The following DNAI4 variants were observed in gnomAD, a reference collection of about 807,000 sequenced individuals.
The protein encoded by DNAI4 is dynein axonemal intermediate chain 4.
DNAI4 carries 85 observed loss-of-function variants against 105.8 expected under a neutral mutation model. That is an observed-to-expected ratio of 0.80 (90% confidence interval 0.67 to 0.96). The LOEUF is 0.96. Among genes scored for constraint, DNAI4 ranks in the 40% least tolerant of loss-of-function variants. DNAI4 has a pLI of 0.00. For synonymous variants in DNAI4, 352 were observed against 331.5 expected, an observed-to-expected ratio of 1.06 and a Z score of -0.67; for missense variants, 1,014 against 1,005.6, an observed-to-expected ratio of 1.01 and a Z score of -0.11.
chr1:66,841,786 C>T (rs1452986939), intron 8 of DNAI4, among the ~76,000 whole-genome samples: 1 of 152,160 alleles, frequency 6.6e-6, no homozygotes, highest in Non-Finnish European at 1.5e-5. Context: ...TCTGAAGTCC[C>T]TCCAAGAATG....
At chr1:66,877,583 G>A (rs138622672) in intron 4 of DNAI4, among the ~76,000 whole-genome samples, 14 of 151,886 alleles carry the variant, frequency 9.2e-5, no homozygotes, top group African/African-American at 3.4e-4. Context: ...TATTACTTTG[G>A]TACATTTAGT....
chr1:66,847,464 T>C lies in DNAI4; in HGVS notation c.1291+20A>G. On this transcript the variant is annotated intron_variant, in intron 8 of 16. Transcript: ENST00000371026. ...TAAGCAACTGCACCCAGCCTAAACA[T>C]GTTTATTTTTTTTAAATACCTTTTA... The C allele has an allele frequency of 6.2e-7, 1 of 1,606,568 alleles. No individual in the cohort carries two copies. The highest frequency in any genetic ancestry group is 8.5e-7 in the Non-Finnish European group (1 of 1,176,778).
At chr1:66,848,335 A>C (rs1275955611) in intron 7 of DNAI4, 2 of 450,188 alleles carry the variant, frequency 4.4e-6, no homozygotes, top group Non-Finnish European at 8.9e-6. Context: ...TTTACTTTTT[A>C]GTACCCCATG....
At chr1:66,917,394 T>G (rs769123879) in intron 1 of DNAI4, among the ~76,000 whole-genome samples, 1 of 152,220 alleles carries the variant, frequency 6.6e-6, no homozygotes, top group Non-Finnish European at 1.5e-5. Context: ...TAATCAACTA[T>G]GGAACTCAAA....
intron 1 of DNAI4, among the ~76,000 whole-genome samples, chr1:66,919,844 G>A (rs1488623520): frequency 6.6e-6 from 1 of 152,138 alleles, no homozygotes; most frequent in Non-Finnish European, 1.5e-5. Flanking sequence ...GTACTGAAAA[G>A]CACTTGTCAA....
chr1:66,843,810 A>G (rs1451377880), intron 8 of DNAI4, among the ~76,000 whole-genome samples: 7 of 152,118 alleles, frequency 4.6e-5, no homozygotes, highest in Non-Finnish European at 2.9e-5. Flanking sequence ...TCAGCTGACT[A>G]TATTTTGGCA....
chr1:66,886,538 T>C (rs1647206009), intron 4 of DNAI4, among the ~76,000 whole-genome samples: 1 of 152,184 alleles, frequency 6.6e-6, no homozygotes. Context: ...ACCTTTCTTG[T>C]TTTTGTTTCC....
intron 1 of DNAI4, among the ~76,000 whole-genome samples, chr1:66,915,700 G>C (rs1001046809): frequency 3.9e-5 from 6 of 152,018 alleles, no homozygotes; most frequent in Non-Finnish European, 8.8e-5. Flanking sequence ...CTAATTCAAA[G>C]TTTATTTAAA....
intron 2 of DNAI4, among the ~76,000 whole-genome samples, chr1:66,902,968 A>T (rs1648945982): frequency 6.6e-6 from 1 of 152,240 alleles, no homozygotes; most frequent in Non-Finnish European, 1.5e-5. Flanking sequence ...TTTTAAAATC[A>T]GGCAGTATGA....
intron 7 of DNAI4, among the ~76,000 whole-genome samples, chr1:66,857,798 C>G (rs1422347790): frequency 1.3e-5 from 2 of 151,948 alleles, no homozygotes; most frequent in Non-Finnish European, 2.9e-5. Flanking sequence ...GTTGGTCAGG[C>G]TGGTCTTGAA....
chr1:66,864,397 C>CT (rs199907057), intron 6 of DNAI4, among the ~76,000 whole-genome samples: 105 of 150,910 alleles, frequency 7.0e-4, no homozygotes, highest in East Asian at 2.3e-3. Context: ...CAAACTATGC[C>CT]TTTTTTTTTA....
chr1:66,838,249 G>C (rs566706502), intron 9 of DNAI4, among the ~76,000 whole-genome samples: 93 of 152,294 alleles, frequency 6.1e-4, no homozygotes, highest in African/African-American at 2.2e-3. Context: ...GTGGAGATAG[G>C]GGTTTTAGAA....
At chr1:66,872,113 C>G (rs886992251) in intron 5 of DNAI4, among the ~76,000 whole-genome samples, 2 of 152,016 alleles carry the variant, frequency 1.3e-5, no homozygotes, top group African/African-American at 4.8e-5. Context: ...TCTGGTTGAC[C>G]TACCAATAAT....
chr1:66,866,427 A>G (rs1646735868), intron 6 of DNAI4, among the ~76,000 whole-genome samples: 1 of 152,246 alleles, frequency 6.6e-6, no homozygotes, highest in African/African-American at 2.4e-5. Flanking sequence ...GTTAGCAAGC[A>G]TCTAGGTTAT....
intron 7 of DNAI4, among the ~76,000 whole-genome samples, chr1:66,855,718 C>A (rs1183351304): frequency 2.6e-5 from 4 of 152,108 alleles, no homozygotes; most frequent in Non-Finnish European, 5.9e-5. Flanking sequence ...ATGTAAAGCC[C>A]ACTGATAGAG....
intron 7 of DNAI4, among the ~76,000 whole-genome samples, chr1:66,849,522 A>G (rs1646351671): frequency 1.3e-5 from 2 of 152,306 alleles, no homozygotes; most frequent in South Asian, 4.1e-4. Flanking sequence ...CACTCATAAT[A>G]CCAAGAACCA....
chr1:66,824,577 T>C (rs1645708587), intron 15 of DNAI4, among the ~76,000 whole-genome samples: 1 of 151,666 alleles, frequency 6.6e-6, no homozygotes. Flanking sequence ...TATCCTCTTT[T>C]ATTTCCTTGA....
chr1:66,849,223 A>G (rs2100537479), intron 7 of DNAI4, among the ~76,000 whole-genome samples: 2 of 152,336 alleles, frequency 1.3e-5, no homozygotes, highest in South Asian at 4.1e-4. Context: ...GTGTCAGTGT[A>G]GGCCACATGT....
chr1:66,837,785 A>G lies in DNAI4; in HGVS notation c.1506T>C (p.Ala502=). 6.2e-7 allele frequency: 1 copy of G among 1,601,940 alleles called. No individual in the cohort carries two copies. Among genetic ancestry groups the G allele is most frequent in the Non-Finnish European group, 8.5e-7 (1 of 1,176,822 alleles). Residue 502 remains alanine, a synonymous_variant, in exon 10 of 17, where the codon GCT becomes GCC. Coordinates refer to ENST00000371026, the MANE Select transcript of DNAI4 (RefSeq NM_024763.5). ...AWNKTNPDLL[A]VGYGHFGFKE... is the part of the protein sequence containing the mutation. The stretch of plus-strand genomic sequence containing the variant: ...TAAATCCAAAGTGCCCATAGCCAAC[A>G]GCCAAAAGATCCTGAAAACCAGAAA...
Sources: allele counts gnomAD v4.1 joint callset (sites outside exome capture counted in the v4.1 genomes callset), GRCh38; gene constraint gnomAD v4.1.1; transcripts MANE v1.5; gene names NCBI Gene and HGNC (gene_info 2026-07-23, HGNC 2026-07-21).